Variants in CAP2 observed in about 807,000 individuals in gnomAD.
The protein encoded by CAP2 is adenylyl cyclase-associated protein 2.
CAP2 carries 24 observed loss-of-function variants against 57.7 expected under a neutral mutation model. That is an observed-to-expected ratio of 0.42 (90% CI 0.30 to 0.58). CAP2 has a LOEUF of 0.58. Among genes scored for constraint, CAP2 ranks in the 20% least tolerant of loss-of-function variants. The pLI is 0.22. For synonymous variants in CAP2, 194 were observed against 207.2 expected (o/e 0.94, Z 0.55); for missense variants, 501 against 590.3 (o/e 0.85, Z 1.57).
intron 3 of CAP2, among the ~76,000 whole-genome samples, chr6:17,452,267 A>G (rs1760426210): frequency 6.6e-6 from 1 of 152,226 alleles, no homozygotes; most frequent in Non-Finnish European, 1.5e-5. Context: ...ATAGCAGGCA[A>G]TCTGATTTCT....
At chr6:17,471,827 T>G (rs1761027334) in intron 4 of CAP2, among the ~76,000 whole-genome samples, 1 of 93,490 alleles carries the variant, frequency 1.1e-5, no homozygotes, top group African/African-American at 6.5e-5. Context: ...CCAGACTCCG[T>G]CTCAAAAAAA....
chr6:17,507,107 ATAGAGGTGCTATGCGTC>A (rs1300569794), intron 4 of CAP2, 45 bp from the exon 5 acceptor site: 12 of 1,574,580 alleles, frequency 7.6e-6, no homozygotes, highest in Non-Finnish European at 8.7e-6. Context: ...GCCAACATGG[ATAGAGGTGCTATGCGTC>A]TGCTCTGTCT....
intron 4 of CAP2, among the ~76,000 whole-genome samples, chr6:17,482,530 AAAAAAAAAAG>A (rs1411126136): frequency 2.0e-5 from 2 of 100,454 alleles, no homozygotes; most frequent in African/African-American, 6.7e-5. Context: ...AAAAAAAAAA[AAAAAAAAAAG>A]TCTAGGCATG....
chr6:17,521,526 A>G (rs1440931523), intron 7 of CAP2, among the ~76,000 whole-genome samples: 5 of 152,198 alleles, frequency 3.3e-5, no homozygotes, highest in African/African-American at 1.2e-4. Flanking sequence ...GAGACCACAT[A>G]ATTAAACCAA....
chr6:17,540,237 C>G lies in CAP2; in HGVS notation c.827-736C>G, dbSNP rs370492592. ...ACTGGTTCTGCTGTGCCTTGTGAAACTCATTTGCAAAGTAAAGGAATGGAT... is the reference window on the plus strand; with the variant it reads ...ACTGGTTCTGCTGTGCCTTGTGAAAGTCATTTGCAAAGTAAAGGAATGGAT... On this transcript the variant is annotated intron_variant, in intron 8 of 12. Coordinates refer to ENST00000229922, the MANE Select transcript of CAP2 (RefSeq NM_006366.3). Among the ~76,000 whole-genome samples the G allele has an allele frequency of 3.3e-5, 5 of 152,274 alleles. No homozygotes were observed. In the East Asian group the frequency reaches 7.7e-4, roughly 24 times the overall value.
intron 4 of CAP2, among the ~76,000 whole-genome samples, chr6:17,471,118 A>C (rs141462978): frequency 1.7e-3 from 254 of 152,350 alleles, no homozygotes; most frequent in African/African-American, 5.6e-3. Flanking sequence ...CCTTGGGTAA[A>C]TTACTTGGTG....
chr6:17,545,711 A>T (rs1435433195), intron 11 of CAP2, among the ~76,000 whole-genome samples: 1 of 152,006 alleles, frequency 6.6e-6, no homozygotes, highest in East Asian at 1.9e-4. Context: ...CCAACCTCAC[A>T]ACAGTCCCCA....
chr6:17,556,529 G>C lies in CAP2; in HGVS notation c.*87G>C. On this transcript the variant is annotated 3_prime_UTR_variant, in exon 13 of 13. Transcript: ENST00000229922. ...CAGTAAAGAGCTAGAAGTTGCAGTA[G>C]CCCCTACTGCTTTAGCTTTGGCCTC... The C allele has an allele frequency of 1.1e-6, 1 of 912,664 alleles. No homozygotes were observed. The highest frequency in any genetic ancestry group is 1.8e-6 in the Non-Finnish European group (1 of 545,020). 56.5% of individuals were successfully genotyped at this position (912,664 alleles called of 1,614,324 possible).
intron 11 of CAP2, among the ~76,000 whole-genome samples, chr6:17,550,974 G>A (rs905929060): frequency 1.4e-4 from 22 of 152,064 alleles, no homozygotes; most frequent in South Asian, 6.2e-4. Flanking sequence ...TCTTATTTAA[G>A]TTCAGGAAAA....
In CAP2 at chr6:17,557,547, T is replaced by C. The variant is rs1033225797; in HGVS notation, c.*1105T>C. 2.6e-5 allele frequency: 4 copies of C among 152,208 alleles called. No individual in the cohort carries two copies. The highest frequency in any genetic ancestry group is 4.8e-5 in the African/African-American group (2 of 41,456). The allele number at this position is 152,208 out of a possible 1,614,324, so 9.4% of individuals were successfully genotyped here. A position where few individuals can be genotyped will look rare whatever the true frequency, so the allele number is the denominator to read the frequency against. ...GGATCATATTTAATGAATTATAGTA[T>C]AATGCTTGCAGGCCCAGTACAAGCA... On this transcript the variant is annotated 3_prime_UTR_variant, in exon 13 of 13. Transcript: ENST00000229922.
intron 4 of CAP2, among the ~76,000 whole-genome samples, chr6:17,489,828 C>G (rs376523140): frequency 6.6e-6 from 1 of 151,964 alleles, no homozygotes; most frequent in Non-Finnish European, 1.5e-5. Flanking sequence ...AGTTTGTAAT[C>G]TAGTAGGTCC....
chr6:17,518,769 C>G (rs1015995053), intron 7 of CAP2, among the ~76,000 whole-genome samples: 26 of 152,096 alleles, frequency 1.7e-4, no homozygotes, highest in African/African-American at 6.3e-4. Context: ...TCCCGAGCAG[C>G]TGGGACTACA....
intron 4 of CAP2, among the ~76,000 whole-genome samples, chr6:17,501,836 G>A (rs141344882): frequency 5.9e-5 from 9 of 152,248 alleles, no homozygotes; most frequent in Admixed American, 4.6e-4. Context: ...AAGTACAGTC[G>A]CATCCAGCTA....
chr6:17,445,220 C>T (rs913411690), intron 3 of CAP2, among the ~76,000 whole-genome samples: 3 of 152,234 alleles, frequency 2.0e-5, no homozygotes, highest in Admixed American at 6.5e-5. Flanking sequence ...AATTCTCCTG[C>T]CTCAGCCTCC....
chr6:17,442,567 T>C (rs1760116873), intron 3 of CAP2, among the ~76,000 whole-genome samples: 1 of 152,084 alleles, frequency 6.6e-6, no homozygotes, highest in Non-Finnish European at 1.5e-5. Context: ...GCATGGCATG[T>C]ATCTACAGCT....
At chr6:17,527,170 G>A (rs1762532076) in intron 7 of CAP2, among the ~76,000 whole-genome samples, 1 of 152,108 alleles carries the variant, frequency 6.6e-6, no homozygotes, top group African/African-American at 2.4e-5. Flanking sequence ...AGAAAGTACA[G>A]TCGTTTCTGT....
At chr6:17,456,629 T>C (rs1401746350) in intron 3 of CAP2, among the ~76,000 whole-genome samples, 2 of 152,122 alleles carry the variant, frequency 1.3e-5, no homozygotes, top group Non-Finnish European at 2.9e-5. Context: ...GCATTGGCAG[T>C]AGGGCCTGCA....
At chr6:17,451,215 A>T (rs2113578306) in intron 3 of CAP2, among the ~76,000 whole-genome samples, 1 of 129,706 alleles carries the variant, frequency 7.7e-6, no homozygotes, top group South Asian at 2.5e-4. Flanking sequence ...TTTTAGAGGA[A>T]AGGAAATCTT....
intron 2 of CAP2, among the ~76,000 whole-genome samples, chr6:17,423,393 C>A (rs951527823): frequency 6.6e-6 from 1 of 152,184 alleles, no homozygotes; most frequent in Admixed American, 6.5e-5. Context: ...TCTATGATTT[C>A]ATTTTAAGCC....
Sources: gnomAD v4.1 joint callset for allele counts (sites outside exome capture counted in the v4.1 genomes callset) on GRCh38, gnomAD v4.1.1 for gene constraint, MANE v1.5 for transcripts, NCBI Gene and HGNC (gene_info 2026-07-23, HGNC 2026-07-21) for gene names.